The following NPSR1 variants were observed in gnomAD, a reference collection of about 807,000 sequenced individuals.
The protein encoded by NPSR1 is neuropeptide S receptor 1, also known as neuropeptide S receptor.
NPSR1 carries 48 observed loss-of-function variants against 46.9 expected under a neutral mutation model. The ratio of observed to expected loss-of-function variants is 1.02; its 90% CI spans 0.81 to 1.30. The LOEUF is 1.30. Among genes scored for constraint, NPSR1 ranks in the 50% most tolerant of loss-of-function variants. The pLI is 0.00. For synonymous variants in NPSR1, 176 were observed against 168.1 expected (o/e 1.05, Z -0.36); for missense variants, 450 against 449.5 (o/e 1.00, Z -0.01).
intron 6 of NPSR1, among the ~76,000 whole-genome samples, chr7:34,843,625 C>T (rs1790645931): frequency 6.6e-6 from 1 of 152,220 alleles, no homozygotes. Flanking sequence ...ATATTTCAGC[C>T]CTTCTAGTCA....
intron 1 of NPSR1, among the ~76,000 whole-genome samples, chr7:34,658,781 G>A (rs1791311212): frequency 6.6e-6 from 1 of 152,214 alleles, no homozygotes; most frequent in Admixed American, 6.5e-5. Context: ...TCTTTCTGAT[G>A]CTGCTGGAAA....
downstream of NPSR1, among the ~76,000 whole-genome samples, chr7:34,852,356 G>A (rs1790956561): frequency 6.6e-6 from 1 of 152,028 alleles, no homozygotes; most frequent in Non-Finnish European, 1.5e-5. Flanking sequence ...AGGGAGGAAG[G>A]AAGGAAAGAA....
intron 8 of NPSR1, among the ~76,000 whole-genome samples, chr7:34,871,109 G>T (rs1562780795): frequency 6.6e-6 from 1 of 151,794 alleles, no homozygotes; most frequent in Non-Finnish European, 1.5e-5. Context: ...AGATTTAATT[G>T]GTTCATGGTT....
chr7:34,750,701 T>C, intron 2 of NPSR1: 1 of 700,606 alleles, frequency 1.4e-6, no homozygotes, highest in South Asian at 1.4e-5. Context: ...TGACAGTTTA[T>C]CTCCAAAACA....
chr7:34,785,274 T>C (rs1025119436), intron 3 of NPSR1, among the ~76,000 whole-genome samples: 1 of 150,494 alleles, frequency 6.6e-6, no homozygotes, highest in African/African-American at 2.4e-5. Flanking sequence ...AGTAAACTAT[T>C]GCAAGGACAA....
chr7:34,684,474 C>T, intron 1 of NPSR1, 78 bp from the exon 2 acceptor site: 1 of 1,455,556 alleles, frequency 6.9e-7, no homozygotes, highest in Non-Finnish European at 9.4e-7. Context: ...AGGAAGAAAT[C>T]CAGCCTGGGG....
intron 3 of NPSR1, among the ~76,000 whole-genome samples, chr7:34,805,166 T>A (rs1033765045): frequency 6.6e-6 from 1 of 151,922 alleles, no homozygotes; most frequent in Non-Finnish European, 1.5e-5. Context: ...AGATATTTTA[T>A]CAATATAAAC....
chr7:34,847,944 C>T (rs973467039), intron 7 of NPSR1, among the ~76,000 whole-genome samples: 1 of 152,140 alleles, frequency 6.6e-6, no homozygotes, highest in Non-Finnish European at 1.5e-5. Flanking sequence ...TAGAGAAGGG[C>T]ATAGTGTGGG....
chr7:34,850,338 A>G (rs1327243451), downstream of NPSR1, among the ~76,000 whole-genome samples: 1 of 150,846 alleles, frequency 6.6e-6, no homozygotes, highest in Non-Finnish European at 1.5e-5. Flanking sequence ...TTAAAAAGCC[A>G]TGGGCCCCTG....
intron 5 of NPSR1, among the ~76,000 whole-genome samples, chr7:34,832,082 CA>C (rs1790147783): frequency 6.6e-6 from 1 of 152,010 alleles, no homozygotes; most frequent in Admixed American, 6.6e-5. Context: ...ACAGGGCCCA[CA>C]ATAAAAGTAG....
chr7:34,872,666 T>TGAC (rs1199854782), intron 8 of NPSR1, among the ~76,000 whole-genome samples: 1 of 151,758 alleles, frequency 6.6e-6, no homozygotes, highest in East Asian at 1.9e-4. Flanking sequence ...AGAAGCAAAT[T>TGAC]ATGTCTTACA....
chr7:34,691,366 TTAA>T (rs1227243261), intron 2 of NPSR1, among the ~76,000 whole-genome samples: 3 of 152,128 alleles, frequency 2.0e-5, no homozygotes, highest in African/African-American at 7.2e-5. Flanking sequence ...ACCTCACATA[TTAA>T]TATTAATCTT....
chr7:34,869,395 C>G (rs1288875464), intron 8 of NPSR1, among the ~76,000 whole-genome samples: 1 of 151,818 alleles, frequency 6.6e-6, no homozygotes, highest in Non-Finnish European at 1.5e-5. Flanking sequence ...TTTAAAATCT[C>G]TGCCTTTTCT....
chr7:34,754,530 A>T (rs897596482), intron 2 of NPSR1, among the ~76,000 whole-genome samples: 8 of 152,144 alleles, frequency 5.3e-5, no homozygotes, highest in Admixed American at 5.2e-4. Context: ...CCTCCTACCA[A>T]TTCCCAGTAC....
rs1467028735 is a variant in NPSR1, at chr7:34,792,362, T to C, written c.384+13797T>C. On this transcript the variant is annotated intron_variant, in intron 3 of 8. Transcript: ENST00000360581. ...AAAATATATTAGAAACATCTACAAC[T>C]CAATTTAAAAAATAGTACCAGGCAT... 5.3e-5 allele frequency among the ~76,000 whole-genome samples: 8 copies of C among 151,358 alleles called. No individual in the cohort carries two copies. The Admixed American group carries it at 5.3e-4, about 10-fold the overall frequency.
At chr7:34,700,614 A>T (rs1489503762) in intron 2 of NPSR1, among the ~76,000 whole-genome samples, 2 of 152,238 alleles carry the variant, frequency 1.3e-5, no homozygotes, top group Non-Finnish European at 2.9e-5. Context: ...ATAAAATAAT[A>T]TACTAAATCA....
intron 2 of NPSR1, among the ~76,000 whole-genome samples, chr7:34,765,814 G>A (rs1368364229): frequency 6.6e-6 from 1 of 152,152 alleles, no homozygotes; most frequent in Admixed American, 6.5e-5. Flanking sequence ...AAAACCAAAT[G>A]CCACATGTTC....
intron 4 of NPSR1, among the ~76,000 whole-genome samples, chr7:34,812,865 A>T (rs995337489): frequency 1.3e-5 from 2 of 152,250 alleles, no homozygotes; most frequent in East Asian, 3.8e-4. Flanking sequence ...TAGAAAACAG[A>T]TAATACCTTT....
At chr7:34,709,618 C>T (rs1783172136) in intron 2 of NPSR1, among the ~76,000 whole-genome samples, 1 of 152,160 alleles carries the variant, frequency 6.6e-6, no homozygotes, top group African/African-American at 2.4e-5. Flanking sequence ...CCCTTTTTCA[C>T]AGCAATTGTC....
Sources: allele counts gnomAD v4.1 joint callset (sites outside exome capture counted in the v4.1 genomes callset), GRCh38; gene constraint gnomAD v4.1.1; transcripts MANE v1.5; gene names NCBI Gene and HGNC (gene_info 2026-07-23, HGNC 2026-07-21).